Variants in ASB18 observed in about 807,000 individuals in gnomAD.
ASB18 encodes ankyrin repeat and SOCS box protein 18.
ASB18 carries 33 observed loss-of-function variants against 33.4 expected under a neutral mutation model. That is an observed-to-expected ratio of 0.99 (90% CI 0.75 to 1.32). The LOEUF (loss-of-function observed/expected upper bound fraction) is 1.32, where lower values mean the gene tolerates loss of function less well. Ranked by LOEUF, ASB18 falls within the 40% of genes most tolerant of loss-of-function variation. ASB18 has a pLI of 0.00. For synonymous variants in ASB18, 295 were observed against 307.6 expected, an observed-to-expected ratio of 0.96 and a Z score of 0.43; for missense variants, 694 against 655.5, an observed-to-expected ratio of 1.06 and a Z score of -0.64.
In ASB18 at chr2:236,222,783, GCC is replaced by G. The variant is rs2060518496; in HGVS notation, c.597-7919_597-7918del. The stretch of plus-strand genomic sequence containing the variant: ...GCCTGTAATCCCAACACTTTGGGAG[GCC>G]GAGGTATGTGGATCACCTGAGTTCA... On this transcript the variant is annotated intron_variant, in intron 3 of 5. Coordinates refer to ENST00000409749, the MANE Select transcript of ASB18 (RefSeq NM_212556.4). This position sits in a 1 kb window ranked among gnomAD's most constrained non-coding sequence, Gnocchi z 5.5. 6.6e-6 allele frequency among the ~76,000 whole-genome samples: 1 copy of G among 152,232 alleles called. No homozygotes were observed. The highest frequency in any genetic ancestry group is 2.4e-5 in the African/African-American group (1 of 41,458).
rs10166966 is a variant in ASB18, at chr2:236,194,980, A to T, written c.1293T>A (p.Ala431=). The change falls in exon 6 of 6, where the codon GCT becomes GCA. Residue 431 remains alanine (A), a synonymous_variant. Coordinates refer to ENST00000409749, the MANE Select transcript of ASB18 (RefSeq NM_212556.4). The surrounding 1 kb of genome is among the most constrained non-coding windows in gnomAD (Gnocchi z 4.5). ...PRCLQHLCRC[A]LRRLFGKRCF... ...ACCTTTTGCCAAACAGTCTGCGAAGAGCACAGCGGCAAAGATGCTGCAGGC... is the reference window on the plus strand; with the variant it reads ...ACCTTTTGCCAAACAGTCTGCGAAGTGCACAGCGGCAAAGATGCTGCAGGC... The T allele has an allele frequency of 4.3e-6, 7 of 1,613,796 alleles. No homozygotes were observed. The highest frequency in any genetic ancestry group is 5.9e-6 in the Non-Finnish European group (7 of 1,179,826).
Position 236,259,144 on chromosome 2 carries a change from T to A in ASB18, c.205+4997A>T, listed in dbSNP as rs1291350106. Among the ~76,000 whole-genome samples, 1 of 152,218 alleles carries A rather than the reference T, an allele frequency of 6.6e-6. No individual in the cohort carries two copies. The highest frequency in any genetic ancestry group is 2.1e-4 in the South Asian group (1 of 4,832). On this transcript the variant is annotated intron_variant, in intron 1 of 5. Coordinates refer to ENST00000409749, the MANE Select transcript of ASB18 (RefSeq NM_212556.4). This position sits in a 1 kb window ranked among gnomAD's most constrained non-coding sequence, Gnocchi z 4.4. ...ATTGAAAAGAGGCAAGCACAAATAA[T>A]GCAGTTGTTGCTAATATTAAACAGT...
chr2:236,211,081 T>G lies in ASB18; in HGVS notation c.1101+3281A>C, dbSNP rs574575818. On this transcript the variant is annotated intron_variant, in intron 4 of 5. Transcript: ENST00000409749. This position sits in a 1 kb window ranked among gnomAD's most constrained non-coding sequence, Gnocchi z 5.0. ...GAGAGAGACCCCTGAGCACAGCCTTTTATCCAGACCAAGCATCCAGCCCAA... is the reference window on the plus strand; with the variant it reads ...GAGAGAGACCCCTGAGCACAGCCTTGTATCCAGACCAAGCATCCAGCCCAA... 2.0e-5 allele frequency among the ~76,000 whole-genome samples: 3 copies of G among 152,278 alleles called. No homozygotes were observed. The East Asian group carries it at 5.8e-4, about 29-fold the overall frequency.
At position 236,257,991 on chromosome 2, in the gene ASB18, C is replaced by T. The variant is rs371609795; in HGVS notation, c.205+6150G>A. On this transcript the variant is annotated intron_variant, in intron 1 of 5. Coordinates refer to ENST00000409749, the MANE Select transcript of ASB18 (RefSeq NM_212556.4). The surrounding 1 kb of genome is among the most constrained non-coding windows in gnomAD (Gnocchi z 5.5). ...GCATTGCCAATTCCTCCTTCTTTGC[C>T]TCCGTGTAGGACCAGTTTCAGTTTG... 3.3e-5 allele frequency among the ~76,000 whole-genome samples: 5 copies of T among 152,328 alleles called. No homozygotes were observed. The East Asian group carries it at 9.7e-4, about 29-fold the overall frequency.
chr2:236,232,078 A>C (rs1016053304), intron 3 of ASB18, among the ~76,000 whole-genome samples: 2 of 152,214 alleles, frequency 1.3e-5, no homozygotes, highest in Admixed American at 1.3e-4. Flanking sequence ...GTATACATGA[A>C]ACATTTATCA....
In ASB18 at chr2:236,234,716, A is replaced by C. The variant is rs1245449631; in HGVS notation, c.596+2973T>G. ...ACTTATTTTCTACTAACAGTGCTGG[A>C]ACTGTCAGATATCCACATGCAAAAA... On this transcript the variant is annotated intron_variant, in intron 3 of 5. Transcript: ENST00000409749. This position sits in a 1 kb window ranked among gnomAD's most constrained non-coding sequence, Gnocchi z 4.1. Among the ~76,000 whole-genome samples the C allele has an allele frequency of 2.6e-5, 4 of 152,254 alleles. No homozygotes were observed. Among genetic ancestry groups the C allele is most frequent in the African/African-American group, 9.6e-5 (4 of 41,464 alleles).
Position 236,208,630 on chromosome 2 carries a change from C to A in ASB18, c.1101+5732G>T, listed in dbSNP as rs114933749. Reference sequence around the variant, plus strand: ...CCACCTCCTCCCGCCCCTCCCCCACCGGGTCACAGACTGTGACAGAGTCTT... The same window carrying A: ...CCACCTCCTCCCGCCCCTCCCCCACAGGGTCACAGACTGTGACAGAGTCTT... On this transcript the variant is annotated intron_variant, in intron 4 of 5. Transcript: ENST00000409749. The surrounding 1 kb of genome is among the most constrained non-coding windows in gnomAD (Gnocchi z 7.7). Among the ~76,000 whole-genome samples the A allele has an allele frequency of 1.3e-5, 2 of 152,110 alleles. No individual in the cohort carries two copies. Among genetic ancestry groups the A allele is most frequent in the Admixed American group, 1.3e-4 (2 of 15,282 alleles).
chr2:236,262,656 C>T lies in ASB18; in HGVS notation c.205+1485G>A, dbSNP rs548138719. Among the ~76,000 whole-genome samples the T allele has an allele frequency of 8.5e-5, 13 of 152,164 alleles. No individual in the cohort carries two copies. The highest frequency in any genetic ancestry group is 1.3e-4 in the Non-Finnish European group (9 of 68,034). On this transcript the variant is annotated intron_variant, in intron 1 of 5. Transcript: ENST00000409749. This position sits in a 1 kb window ranked among gnomAD's most constrained non-coding sequence, Gnocchi z 5.2. ...TGAATGCAAGATGTACAGCTCAGCA[C>T]TCCCAGTCCAATCACTGCTTGTGAT... is the stretch of plus-strand genomic sequence containing the variant.
chr2:236,238,610 G>GGTGGGTGTGTGTGT lies in ASB18; in HGVS notation c.329-655_329-654insACACACACACCCAC, dbSNP rs1553601615. Reference sequence around the variant, plus strand: ...GGTTTGTTTCTTTGCGCTTTTTAGGGGTGTGTGTGTGTGTGTGTGTAGGGT... The same window carrying GGTGGGTGTGTGTGT: ...GGTTTGTTTCTTTGCGCTTTTTAGGGGTGGGTGTGTGTGTGTGTGTGTGTGTGTGTGTGTAGGGT... On this transcript the variant is annotated intron_variant, in intron 2 of 5. Transcript: ENST00000409749. The surrounding 1 kb of genome is among the most constrained non-coding windows in gnomAD (Gnocchi z 5.2). Among the ~76,000 whole-genome samples the GGTGGGTGTGTGTGT allele has an allele frequency of 6.7e-6, 1 of 150,270 alleles. No homozygotes were observed. The highest frequency in any genetic ancestry group is 1.5e-5 in the Non-Finnish European group (1 of 67,616).
rs2106287649 is a variant in ASB18 at position 236,260,104 on chromosome 2, GA to G, written c.205+4036del. Among the ~76,000 whole-genome samples the G allele has an allele frequency of 6.6e-6, 1 of 152,338 alleles. No individual in the cohort carries two copies. Among genetic ancestry groups the G allele is most frequent in the South Asian group, 2.1e-4 (1 of 4,826 alleles). On this transcript the variant is annotated intron_variant, in intron 1 of 5. Coordinates refer to ENST00000409749, the MANE Select transcript of ASB18 (RefSeq NM_212556.4). The surrounding 1 kb of genome is among the most constrained non-coding windows in gnomAD (Gnocchi z 5.1). Reference sequence around the variant, plus strand: ...ACTGCAAGAGGCAAGGTCCTCAAGTGATCATGTTAACATGCAGAGCGAATGG... The same window carrying G: ...ACTGCAAGAGGCAAGGTCCTCAAGTGTCATGTTAACATGCAGAGCGAATGG...
chr2:236,194,843 C>A lies in ASB18; in HGVS notation c.*29G>T, dbSNP rs776610100. On this transcript the variant is annotated 3_prime_UTR_variant, in exon 6 of 6. Transcript: ENST00000409749. The surrounding 1 kb of genome is among the most constrained non-coding windows in gnomAD (Gnocchi z 4.5). The stretch of plus-strand genomic sequence containing the variant: ...CTCCATGGAAGGTCAGCGAGGAGAA[C>A]AACAGTATTGGTTGCAGCGTTCTGC... The A allele has an allele frequency of 1.9e-6, 3 of 1,595,198 alleles. No homozygotes were observed. The highest frequency in any genetic ancestry group is 1.7e-6 in the Non-Finnish European group (2 of 1,168,694).
In ASB18 at chr2:236,217,491, A is replaced by G. The variant is rs1481349923; in HGVS notation, c.597-2625T>C. Among the ~76,000 whole-genome samples, 1 of 152,162 alleles carries G rather than the reference A, an allele frequency of 6.6e-6. No individual in the cohort carries two copies. The highest frequency in any genetic ancestry group is 2.4e-5 in the African/African-American group (1 of 41,438). On this transcript the variant is annotated intron_variant, in intron 3 of 5. Transcript: ENST00000409749. This position sits in a 1 kb window ranked among gnomAD's most constrained non-coding sequence, Gnocchi z 5.2. ...GAGGCTTTGTTTATCTCTGATTCCCAGTGCCTATCATAGTGCCTATCACAC... is the reference window on the plus strand; with the variant it reads ...GAGGCTTTGTTTATCTCTGATTCCCGGTGCCTATCATAGTGCCTATCACAC...
intron 4 of ASB18, among the ~76,000 whole-genome samples, chr2:236,201,653 T>C (rs2060403228): frequency 6.6e-6 from 1 of 152,054 alleles, no homozygotes; most frequent in Admixed American, 6.5e-5. Context: ...CAAAATATGT[T>C]TGTCACATTT....
Position 236,225,810 on chromosome 2 carries a change from A to T in ASB18, c.597-10944T>A, listed in dbSNP as rs778091390. 1.9e-4 allele frequency among the ~76,000 whole-genome samples: 21 copies of T among 108,966 alleles called. No individual in the cohort carries two copies. The highest frequency in any genetic ancestry group is 3.3e-4 in the Admixed American group (4 of 12,130). 71.5% of individuals were successfully genotyped at this position (108,966 alleles called of 152,430 possible). A position where few individuals can be genotyped will look rare whatever the true frequency, so the allele number is the denominator to read the frequency against. Reference sequence around the variant, plus strand: ...GAAGCACAGGTAATTTTTTTTTTTTAATCCCAGGAACTCAGAGACTCAAAG... The same window carrying T: ...GAAGCACAGGTAATTTTTTTTTTTTTATCCCAGGAACTCAGAGACTCAAAG... On this transcript the variant is annotated intron_variant, in intron 3 of 5. Transcript: ENST00000409749. The surrounding 1 kb of genome is among the most constrained non-coding windows in gnomAD (Gnocchi z 5.1).
Position 236,239,024 on chromosome 2 carries a change from G to A in ASB18, c.329-1068C>T, listed in dbSNP as rs1017730173. The stretch of plus-strand genomic sequence containing the variant: ...TTGTGCACTCAGTGGGGGAAGGGGG[G>A]CCTGTGGGACTGGCATGGAATGGTG... On this transcript the variant is annotated intron_variant, in intron 2 of 5. Transcript: ENST00000409749. The surrounding 1 kb of genome is among the most constrained non-coding windows in gnomAD (Gnocchi z 5.6). Among the ~76,000 whole-genome samples, 2 of 152,154 alleles carry A rather than the reference G, an allele frequency of 1.3e-5. No homozygotes were observed. Among genetic ancestry groups the A allele is most frequent in the African/African-American group, 4.8e-5 (2 of 41,428 alleles).
Position 236,253,841 on chromosome 2 carries a change from C to G in ASB18, c.205+10300G>C, listed in dbSNP as rs1388492007. 6.6e-6 allele frequency: 1 copy of G among 152,198 alleles called. No homozygotes were observed. The highest frequency in any genetic ancestry group is 2.4e-5 in the African/African-American group (1 of 41,444). The allele number at this position is 152,198 out of a possible 1,614,324, so 9.4% of individuals were successfully genotyped here. On this transcript the variant is annotated intron_variant, in intron 1 of 5. Coordinates refer to ENST00000409749, the MANE Select transcript of ASB18 (RefSeq NM_212556.4). The surrounding 1 kb of genome is among the most constrained non-coding windows in gnomAD (Gnocchi z 5.4). ...ACTTACTGTCAATTTCGGTCAAACA[C>G]TTCCCAGAGTGACTCCCACCTCCTA...
In ASB18 at chr2:236,217,332, G is replaced by T. The variant is rs369876621; in HGVS notation, c.597-2466C>A. On this transcript the variant is annotated intron_variant, in intron 3 of 5. Transcript: ENST00000409749. The surrounding 1 kb of genome is among the most constrained non-coding windows in gnomAD (Gnocchi z 5.2). ...TGAGGCAGGAGAATCACTTAAACCC[G>T]GGAGGTGGAGGTTGCAGTGAGCCAA... Among the ~76,000 whole-genome samples, 5 of 151,984 alleles carry T rather than the reference G, an allele frequency of 3.3e-5. No individual in the cohort carries two copies. In the East Asian group the frequency reaches 9.7e-4, roughly 30 times the overall value.
chr2:236,212,071 A>G (rs998335679), intron 4 of ASB18, among the ~76,000 whole-genome samples: 2 of 152,202 alleles, frequency 1.3e-5, no homozygotes, highest in African/African-American at 4.8e-5. Flanking sequence ...GCCTCAAGGT[A>G]TTAAGATTTC....
In ASB18 at chr2:236,206,922, T is replaced by C. The variant is rs147661550; in HGVS notation, c.1101+7440A>G. On this transcript the variant is annotated intron_variant, in intron 4 of 5. Coordinates refer to ENST00000409749, the MANE Select transcript of ASB18 (RefSeq NM_212556.4). The stretch of plus-strand genomic sequence containing the variant: ...GCAAGTTGAGTCAGGGGCTACCCAC[T>C]GGGGACTGGGGCCATGAAGGGAGGG... 4.6e-3 allele frequency among the ~76,000 whole-genome samples: 697 copies of C among 152,296 alleles called. 5 individuals carry two copies. The highest frequency in any genetic ancestry group is 0.031 in the East Asian group (161 of 5,178).
Sources: gnomAD v4.1 joint callset for allele counts (sites outside exome capture counted in the v4.1 genomes callset) on GRCh38, gnomAD v4.1.1 for gene constraint, Gnocchi (gnomAD v3.1) non-coding constraint, MANE v1.5 for transcripts, NCBI Gene and HGNC (gene_info 2026-07-23, HGNC 2026-07-21) for gene names.